The following BICRAL variants were observed in gnomAD, a reference collection of about 807,000 sequenced individuals.
BICRAL encodes the protein BRD4-interacting chromatin-remodeling complex-associated protein-like.
In BICRAL, 8 loss-of-function variants were observed where a neutral mutation model predicts 91.8. The ratio of observed to expected loss-of-function variants is 0.09; its 90% CI spans 0.05 to 0.16. The LOEUF (loss-of-function observed/expected upper bound fraction) is 0.16. BICRAL is among the 10% of genes least tolerant of loss of function. The pLI is 1.00. For missense variants in BICRAL, 1,038 were observed against 1,310.9 expected, an observed-to-expected ratio of 0.79 and a Z score of 3.21; for synonymous variants, 445 against 491.1, an observed-to-expected ratio of 0.91 and a Z score of 1.24.
At chr6:42,852,601 G>T in intron 7 of BICRAL, 1 of 353,956 alleles carries the variant, frequency 2.8e-6, no homozygotes, top group South Asian at 2.1e-5. Flanking sequence ...GGCAGAGCTT[G>T]CAGTGAGCTG....
At chr6:42,818,484 G>T (rs1764055830) in intron 2 of BICRAL, among the ~76,000 whole-genome samples, 7 of 152,024 alleles carry the variant, frequency 4.6e-5, no homozygotes, top group Admixed American at 4.6e-4. Flanking sequence ...TGAAGTGGAG[G>T]TATTTTTCTT....
At chr6:42,841,104 A>G (rs1764781768) in intron 6 of BICRAL, among the ~76,000 whole-genome samples, 1 of 118,962 alleles carries the variant, frequency 8.4e-6, no homozygotes, top group South Asian at 3.1e-4. Context: ...AAAAAAATTG[A>G]AAGCGGCTGA....
intron 6 of BICRAL, among the ~76,000 whole-genome samples, chr6:42,830,682 C>T (rs926641021): frequency 1.8e-4 from 28 of 152,166 alleles, no homozygotes; most frequent in African/African-American, 6.8e-4. Flanking sequence ...GTGGCGCAAT[C>T]ATAGCTCACT....
chr6:42,840,666 A>G (rs941670652), intron 6 of BICRAL, among the ~76,000 whole-genome samples: 9 of 152,034 alleles, frequency 5.9e-5, no homozygotes, highest in Non-Finnish European at 1.0e-4. Flanking sequence ...ACCCCCTAGT[A>G]GCTGGGATTA....
chr6:42,857,299 C>A (rs577423004), intron 10 of BICRAL, 63 bp downstream of exon 10: 600 of 1,407,378 alleles, frequency 4.3e-4, no homozygotes, highest in Non-Finnish European at 5.7e-4. Flanking sequence ...GGACACCCCC[C>A]AGAAAAGCAA....
At chr6:42,839,830 C>A (rs1333541051) in intron 6 of BICRAL, among the ~76,000 whole-genome samples, 1 of 152,186 alleles carries the variant, frequency 6.6e-6, no homozygotes, top group Non-Finnish European at 1.5e-5. Flanking sequence ...TCTTCACCTC[C>A]TCTGAACACT....
intron 1 of BICRAL, among the ~76,000 whole-genome samples, chr6:42,782,887 T>TC (rs139136081): frequency 0.019 from 2,861 of 148,030 alleles, 97 homozygotes; most frequent in African/African-American, 0.067. Flanking sequence ...CCCTCTGTTT[T>TC]CCCCCCCTCG....
intron 10 of BICRAL, among the ~76,000 whole-genome samples, chr6:42,858,103 T>A (rs1765443091): frequency 6.6e-6 from 1 of 150,640 alleles, no homozygotes; most frequent in Non-Finnish European, 1.5e-5. Flanking sequence ...GAGCCACCAC[T>A]CCTGGCCAAA....
chr6:42,814,512 T>TATATAC (rs1306864216), intron 2 of BICRAL, among the ~76,000 whole-genome samples: 1 of 96,760 alleles, frequency 1.0e-5, no homozygotes, highest in African/African-American at 4.4e-5. Flanking sequence ...TATATATATA[T>TATATAC]ATATATATTT....
chr6:42,830,558 CA>C lies in BICRAL; in HGVS notation c.1839+398del, dbSNP rs201936477. Among the ~76,000 whole-genome samples the C allele has an allele frequency of 6.8e-3, 998 of 147,240 alleles. 17 individuals carry two copies. Among genetic ancestry groups the C allele is most frequent in the African/African-American group, 0.024 (945 of 40,028 alleles). On this transcript the variant is annotated intron_variant, in intron 6 of 12. Transcript: ENST00000314073. Reference sequence around the variant, plus strand: ...TGGGTGATAGAGTGAGACCCTGTCTCAAAAAAAAAAAATTTTTTTTTACACT... The same window carrying C: ...TGGGTGATAGAGTGAGACCCTGTCTCAAAAAAAAAAATTTTTTTTTACACT...
intron 1 of BICRAL, among the ~76,000 whole-genome samples, chr6:42,801,378 G>A (rs1314320142): frequency 6.6e-6 from 1 of 151,980 alleles, no homozygotes; most frequent in Admixed American, 6.6e-5. Flanking sequence ...ACTAAGAAAT[G>A]GTGTCCTACT....
intron 1 of BICRAL, among the ~76,000 whole-genome samples, chr6:42,767,055 A>G (rs1220020920): frequency 6.7e-6 from 1 of 150,272 alleles, no homozygotes; most frequent in African/African-American, 2.4e-5. Context: ...AAAAAAAAAA[A>G]GAAGAAGAAT....
chr6:42,780,747 GTTTTGT>G (rs55964600), upstream of BICRAL, among the ~76,000 whole-genome samples: 1 of 150,972 alleles, frequency 6.6e-6, no homozygotes, highest in East Asian at 1.9e-4. Context: ...TTGTTGTTTT[GTTTTGT>G]TTTTGTTTGA....
chr6:42,762,736 T>G (rs1343787234), intron 1 of BICRAL, among the ~76,000 whole-genome samples: 1 of 151,578 alleles, frequency 6.6e-6, no homozygotes, highest in East Asian at 1.9e-4. Context: ...AAGACCAGCC[T>G]GGGCAACAAT....
intron 1 of BICRAL, among the ~76,000 whole-genome samples, chr6:42,783,569 C>G (rs901314084): frequency 6.6e-5 from 10 of 152,128 alleles, no homozygotes; most frequent in African/African-American, 2.4e-4. Context: ...ACCAGGGCGC[C>G]GCGAGGCCCG....
At chr6:42,763,909 TA>T (rs138073714) in intron 1 of BICRAL, among the ~76,000 whole-genome samples, 38,011 of 135,958 alleles carry the variant, frequency 0.28, 5,310 homozygotes, top group African/African-American at 0.38. Context: ...TTTAGTGCAT[TA>T]AAAAAAAAAA....
At chr6:42,799,111 T>C (rs1763495458) in intron 1 of BICRAL, among the ~76,000 whole-genome samples, 1 of 152,174 alleles carries the variant, frequency 6.6e-6, no homozygotes, top group Admixed American at 6.6e-5. Flanking sequence ...CTCACTATAT[T>C]GCCCAGGCTG....
chr6:42,753,212 C>T (rs950856996), intron 1 of BICRAL, among the ~76,000 whole-genome samples: 1 of 152,118 alleles, frequency 6.6e-6, no homozygotes, highest in Non-Finnish European at 1.5e-5. Flanking sequence ...CAGGCATGAG[C>T]CACCATGCCT....
chr6:42,794,407 TACTCTGTG>T (rs1441222074), intron 1 of BICRAL, among the ~76,000 whole-genome samples: 30 of 142,364 alleles, frequency 2.1e-4, no homozygotes, highest in Non-Finnish European at 7.6e-5. Flanking sequence ...AAAATTCACT[TACTCTGTG>T]TGTGTGTGTG....
Sources: allele counts gnomAD v4.1 joint callset (sites outside exome capture counted in the v4.1 genomes callset), GRCh38; gene constraint gnomAD v4.1.1; transcripts MANE v1.5; gene names NCBI Gene and HGNC (gene_info 2026-07-23, HGNC 2026-07-21).